The following CNTN4 variants were observed in gnomAD, a reference collection of about 807,000 sequenced individuals.
CNTN4 encodes contactin-4.
CNTN4 carries 77 observed loss-of-function variants against 122.5 expected under a neutral mutation model. That is an observed-to-expected ratio of 0.63 (90% confidence interval 0.52 to 0.76). CNTN4 has a LOEUF of 0.76. Ranked by LOEUF, CNTN4 falls within the 30% of genes least tolerant of loss-of-function variation. The pLI is 0.00. For synonymous variants in CNTN4, 512 were observed against 447.0 expected (o/e 1.15, Z -1.83); for missense variants, 1,256 against 1,259.1 (o/e 1.00, Z 0.04).
intron 3 of CNTN4, among the ~76,000 whole-genome samples, chr3:2,412,989 T>G (rs549430943): frequency 1.3e-5 from 2 of 152,356 alleles, no homozygotes; most frequent in South Asian, 4.1e-4. Flanking sequence ...CAATAAATGT[T>G]AACTGTTATT....
chr3:2,148,746 T>G (rs73015061), intron 2 of CNTN4, among the ~76,000 whole-genome samples: 5,490 of 152,226 alleles, frequency 0.036, 140 homozygotes, highest in Non-Finnish European at 0.051. Flanking sequence ...CCTCCTTCCA[T>G]GTAACTAGAT....
At chr3:2,219,912 C>A (rs1171244788) in intron 2 of CNTN4, among the ~76,000 whole-genome samples, 1 of 152,046 alleles carries the variant, frequency 6.6e-6, no homozygotes, top group African/African-American at 2.4e-5. Context: ...ATGATAAATA[C>A]CTTCTTACAT....
At chr3:2,376,383 T>C (rs17013468) in intron 3 of CNTN4, among the ~76,000 whole-genome samples, 2,688 of 152,262 alleles carry the variant, frequency 0.018, 73 homozygotes, top group African/African-American at 0.062. Context: ...GGTGTTGATG[T>C]GTTTTATGGT....
intron 2 of CNTN4, among the ~76,000 whole-genome samples, chr3:2,168,721 A>G (rs1438403106): frequency 6.6e-6 from 1 of 152,294 alleles, no homozygotes; most frequent in African/African-American, 2.4e-5. Flanking sequence ...TGAGTTCATA[A>G]ATGTATGATA....
chr3:2,702,742 C>T (rs939093094), intron 4 of CNTN4, among the ~76,000 whole-genome samples: 7 of 149,392 alleles, frequency 4.7e-5, no homozygotes, highest in Non-Finnish European at 8.8e-5. Flanking sequence ...TGCATATTCA[C>T]GCAATCGTTC....
At chr3:2,534,745 G>A (rs1335764817) in intron 3 of CNTN4, among the ~76,000 whole-genome samples, 1 of 148,326 alleles carries the variant, frequency 6.7e-6, no homozygotes, top group Non-Finnish European at 1.5e-5. Flanking sequence ...TCCCTGTTCT[G>A]TCACCTTAGA....
intron 4 of CNTN4, among the ~76,000 whole-genome samples, chr3:2,683,662 A>T (rs1182337180): frequency 5.9e-5 from 9 of 152,072 alleles, no homozygotes; most frequent in African/African-American, 2.2e-4. Context: ...AAAATTGTGG[A>T]ACAGAACAAG....
chr3:2,340,685 TTATA>T (rs373402290), intron 3 of CNTN4, among the ~76,000 whole-genome samples: 396 of 29,586 alleles, frequency 0.013, 22 homozygotes, highest in African/African-American at 0.027. Context: ...GTCATAAATT[TTATA>T]TATATATATA....
intron 3 of CNTN4, among the ~76,000 whole-genome samples, chr3:2,542,901 G>A (rs935133446): frequency 6.6e-6 from 1 of 152,034 alleles, no homozygotes; most frequent in Admixed American, 6.6e-5. Context: ...TCATGCTTAC[G>A]TTGTATTCAT....
intron 2 of CNTN4, among the ~76,000 whole-genome samples, chr3:2,169,440 T>C (rs543793378): frequency 6.0e-4 from 92 of 152,124 alleles, no homozygotes; most frequent in African/African-American, 9.2e-4. Flanking sequence ...GGAGTCTGGC[T>C]CTGTCACTCA....
intron 13 of CNTN4, among the ~76,000 whole-genome samples, chr3:2,946,341 T>G (rs1012515694): frequency 2.0e-5 from 3 of 152,230 alleles, no homozygotes; most frequent in Admixed American, 2.0e-4. Context: ...TGGGATTTAT[T>G]GGTTTCCCCA....
At chr3:2,592,303 T>C (rs2080534507) in intron 4 of CNTN4, among the ~76,000 whole-genome samples, 1 of 152,226 alleles carries the variant, frequency 6.6e-6, no homozygotes, top group Non-Finnish European at 1.5e-5. Flanking sequence ...ACTTTACCTA[T>C]CTGCATGATT....
intron 3 of CNTN4, among the ~76,000 whole-genome samples, chr3:2,535,869 A>G (rs1311487787): frequency 1.3e-5 from 2 of 152,096 alleles, no homozygotes; most frequent in African/African-American, 4.8e-5. Flanking sequence ...AATGTTTGAG[A>G]TGTCTCTGTG....
intron 10 of CNTN4, among the ~76,000 whole-genome samples, chr3:2,897,847 G>T (rs370391257): frequency 6.6e-6 from 1 of 152,234 alleles, no homozygotes; most frequent in South Asian, 2.1e-4. Flanking sequence ...GATTAGGGAT[G>T]TTCAACCTGT....
At chr3:2,813,181 C>G (rs1170073011) in intron 6 of CNTN4, among the ~76,000 whole-genome samples, 1 of 152,180 alleles carries the variant, frequency 6.6e-6, no homozygotes, top group Non-Finnish European at 1.5e-5. Flanking sequence ...TTTAAAGTTA[C>G]TCTCCAAAAA....
intron 4 of CNTN4, among the ~76,000 whole-genome samples, chr3:2,674,439 T>C (rs916520606): frequency 2.0e-5 from 3 of 152,350 alleles, no homozygotes; most frequent in African/African-American, 7.2e-5. Flanking sequence ...TTCTCTCTTG[T>C]AGCTATTTGA....
Position 2,479,378 on chromosome 3 carries a change from C to G in CNTN4, c.-88-92038C>G, listed in dbSNP as rs141946762. On this transcript the variant is annotated intron_variant, in intron 3 of 24. Transcript: ENST00000418658. Reference sequence around the variant, plus strand: ...CTTATTTTCAAGGCATAAGTCTAAGCCCTGGCAGCCAGCCTGCGAATGTAA... The same window carrying G: ...CTTATTTTCAAGGCATAAGTCTAAGGCCTGGCAGCCAGCCTGCGAATGTAA... Among the ~76,000 whole-genome samples the G allele has an allele frequency of 6.3e-3, 963 of 152,216 alleles. 5 individuals carry two copies. Among genetic ancestry groups the G allele is most frequent in the Admixed American group, 0.01 (153 of 15,284 alleles).
At position 2,995,278 on chromosome 3, in the gene CNTN4, A is replaced by C. The variant is rs1695432306; in HGVS notation, c.1486+6806A>C. ...TGTGACATAACCTGGAAATCTGATGAAACAGGGTGTGATTATTTCCTCTGA... is the reference window on the plus strand; with the variant it reads ...TGTGACATAACCTGGAAATCTGATGCAACAGGGTGTGATTATTTCCTCTGA... On this transcript the variant is annotated intron_variant, in intron 14 of 24. Transcript: ENST00000418658. Among the ~76,000 whole-genome samples, 9 of 152,348 alleles carry C rather than the reference A, an allele frequency of 5.9e-5. No homozygotes were observed. The South Asian group carries it at 1.9e-3, about 32-fold the overall frequency.
chr3:2,626,640 G>T (rs2082202356), intron 4 of CNTN4, among the ~76,000 whole-genome samples: 1 of 152,094 alleles, frequency 6.6e-6, no homozygotes, highest in South Asian at 2.1e-4. Flanking sequence ...GCTTGGAAGT[G>T]GTTATTTTTA....
Sources: gnomAD v4.1 joint callset for allele counts (sites outside exome capture counted in the v4.1 genomes callset) on GRCh38, gnomAD v4.1.1 for gene constraint, MANE v1.5 for transcripts, NCBI Gene and HGNC (gene_info 2026-07-23, HGNC 2026-07-21) for gene names.